PANK2: variants seen among roughly 807,000 people sequenced by gnomAD.
PANK2 encodes pantothenate kinase 2, mitochondrial.
Under a neutral mutation model 43.1 loss-of-function variants are expected in PANK2, and 36 were observed. That is an observed-to-expected ratio of 0.84 (90% confidence interval 0.64 to 1.10). The LOEUF is 1.10. Among genes scored for constraint, PANK2 ranks in the 50% least tolerant of loss-of-function variants. The pLI is 0.00. For synonymous variants in PANK2, 281 were observed against 238.2 expected, an observed-to-expected ratio of 1.18 and a Z score of -1.66; for missense variants, 576 against 593.3, an observed-to-expected ratio of 0.97 and a Z score of 0.30.
At chr20:3,890,133 T>C (rs946779154) in intron 1 of PANK2, among the ~76,000 whole-genome samples, 2 of 152,168 alleles carry the variant, frequency 1.3e-5, no homozygotes, top group African/African-American at 4.8e-5. Flanking sequence ...AAAGAGCTGC[T>C]CTCTAATACT....
At chr20:3,888,942 C>G, upstream of PANK2, 8 of 566,266 alleles carry the variant, frequency 1.4e-5, no homozygotes, top group Admixed American at 3.3e-5. Flanking sequence ...TGCCGACGAC[C>G]AGCGGCCAGA....
At chr20:3,890,460 C>T (rs555560811) in intron 1 of PANK2, among the ~76,000 whole-genome samples, 5 of 152,264 alleles carry the variant, frequency 3.3e-5, no homozygotes, top group Non-Finnish European at 7.4e-5. Context: ...TATTAGGTTT[C>T]TTTTTCTGTG....
chr20:3,921,052 A>AT (rs1245134812), intron 6 of PANK2, among the ~76,000 whole-genome samples: 14 of 151,190 alleles, frequency 9.3e-5, no homozygotes, highest in Non-Finnish European at 1.9e-4. Context: ...TTTGATGATT[A>AT]TTTTATTTTA....
In PANK2 at chr20:3,903,730, C is replaced by A; in HGVS notation, c.299-4196C>A. 3.3e-5 allele frequency among the ~76,000 whole-genome samples: 5 copies of A among 150,712 alleles called. No individual in the cohort carries two copies. The Middle Eastern group carries it at 0.014, about 422-fold the overall frequency. On this transcript the variant is annotated intron_variant, in intron 1 of 6. Transcript: ENST00000610179. The stretch of plus-strand genomic sequence containing the variant: ...GCAGCCTCCATCTCCTGGGATCAAG[C>A]GATTCTGCTGCCTCAGCTTTCTTAG...
In PANK2 at chr20:3,889,666, C is replaced by T; in HGVS notation, c.236C>T (p.Ser79Phe). The T allele has an allele frequency of 6.3e-7, 1 of 1,590,144 alleles. No individual in the cohort carries two copies. Among genetic ancestry groups the T allele is most frequent in the Non-Finnish European group, 8.5e-7 (1 of 1,176,584 alleles). The change falls in exon 1 of 7, where the codon TCT becomes TTT. Residue 79 changes from serine (S) to phenylalanine (F), a missense_variant. By Grantham distance (155) the Ser-to-Phe change is radical (BLOSUM62 -2). Around this residue, in one of 2 missense-constraint regions of PANK2, gnomAD observed 544 missense variants for 528.9 expected, o/e 1.03. Coordinates refer to ENST00000610179, the MANE Select transcript of PANK2 (RefSeq NM_001386393.1). ...GGCACGAGGCGGGATCGACTGGGCTCTTACAGCGGCCCCACCTCGGTCTCC... is the reference window on the plus strand; with the variant it reads ...GGCACGAGGCGGGATCGACTGGGCTTTTACAGCGGCCCCACCTCGGTCTCC...
intron 3 of PANK2, among the ~76,000 whole-genome samples, chr20:3,911,955 T>C (rs1417284507): frequency 1.3e-5 from 2 of 152,308 alleles, no homozygotes; most frequent in Admixed American, 6.5e-5. Context: ...AGAGGTCACT[T>C]CAGGAAAAAC....
intron 2 of PANK2, chr20:3,909,032 C>G (rs576281524): frequency 3.3e-5 from 5 of 152,320 alleles, no homozygotes; most frequent in African/African-American, 1.2e-4. Flanking sequence ...TCTTCAGTGA[C>G]TGACTGTTTT....
In PANK2 at chr20:3,910,803, A is replaced by C; in HGVS notation, c.878A>C (p.Asp293Ala). Residue 293 changes from aspartate (D) to alanine (A), a missense_variant, in exon 3 of 7, where the codon GAT becomes GCT. Physicochemically the swap from Asp to Ala is moderately radical, Grantham distance 126. This residue lies in a region of PANK2 where 544 missense variants were observed against 528.9 expected (regional missense o/e 1.03). Coordinates refer to ENST00000610179, the MANE Select transcript of PANK2 (RefSeq NM_001386393.1). Reference sequence around the variant, plus strand: ...AGCATCTTAGCAGTATATTCCAAAGATAATTACAAACGGGTCACAGGTACT... The same window carrying C: ...AGCATCTTAGCAGTATATTCCAAAGCTAATTACAAACGGGTCACAGGTACT... 1 of 1,614,180 alleles carries C rather than the reference A, an allele frequency of 6.2e-7. No individual in the cohort carries two copies. The highest frequency in any genetic ancestry group is 8.5e-7 in the Non-Finnish European group (1 of 1,180,018).
intron 4 of PANK2, among the ~76,000 whole-genome samples, chr20:3,914,079 G>C (rs551499064): frequency 6.6e-6 from 1 of 151,826 alleles, no homozygotes; most frequent in Admixed American, 6.6e-5. Flanking sequence ...GTGAGCCACT[G>C]CGCCTGGCCT....
chr20:3,889,337 T>G, upstream of PANK2: 1 of 1,587,296 alleles, frequency 6.3e-7, no homozygotes, highest in East Asian at 2.3e-5. Context: ...CGGATTGGCT[T>G]CCTGCGCGTT....
chr20:3,922,944 C>G (rs1291267059), intron 6 of PANK2, among the ~76,000 whole-genome samples: 1 of 152,180 alleles, frequency 6.6e-6, no homozygotes, highest in Admixed American at 6.6e-5. Flanking sequence ...CTGTCTCTTA[C>G]CAGAGGTAAC....
At chr20:3,905,353 T>C (rs1214707919) in intron 1 of PANK2, among the ~76,000 whole-genome samples, 1 of 149,214 alleles carries the variant, frequency 6.7e-6, no homozygotes, top group African/African-American at 2.5e-5. Flanking sequence ...GCTATCTCTT[T>C]TTTTTTTTTT....
intron 3 of PANK2, among the ~76,000 whole-genome samples, chr20:3,911,882 C>T (rs1165986850): frequency 2.0e-5 from 3 of 150,688 alleles, no homozygotes; most frequent in Admixed American, 6.7e-5. Flanking sequence ...AAGAGCTAAA[C>T]TCCATCTCAA....
chr20:3,891,151 GC>G (rs1341782318), intron 1 of PANK2: 1 of 152,160 alleles, frequency 6.6e-6, no homozygotes, highest in Non-Finnish European at 1.5e-5. Context: ...CTGGGCTCAA[GC>G]CATCCTCCTG....
In PANK2 at chr20:3,889,737, TC is replaced by T. The variant is rs1211718242; in HGVS notation, c.298+11del. 4 of 1,594,796 alleles carry T rather than the reference TC, an allele frequency of 2.5e-6. No homozygotes were observed. The highest frequency in any genetic ancestry group is 3.4e-6 in the Non-Finnish European group (4 of 1,178,846). On this transcript the variant is annotated intron_variant, in intron 1 of 6. Transcript: ENST00000610179. ...GAGGAAAAAGCGGCCGCGTAAGTGT[TC>T]CGTGGGGCGCCCTCCCGGCCCGCCC... is the stretch of plus-strand genomic sequence containing the variant.
intron 3 of PANK2, among the ~76,000 whole-genome samples, chr20:3,911,844 C>T (rs556914929): frequency 2.3e-4 from 35 of 151,744 alleles, no homozygotes; most frequent in Admixed American, 9.2e-4. Flanking sequence ...GAGCCGAGAT[C>T]GTGCCATTGT....
rs1461589671 is a variant in PANK2, at chr20:3,928,027, T to TGGAAGC, written c.*4734_*4739dup. On this transcript the variant is annotated 3_prime_UTR_variant, in exon 7 of 7. Transcript: ENST00000610179. ...TTTTCTTCTGATATCCCCACTCAAA[T>TGGAAGC]GGAAGCACACTCCCCAGCACATGGG... 2 of 152,150 alleles carry TGGAAGC rather than the reference T, an allele frequency of 1.3e-5. No individual in the cohort carries two copies. The highest frequency in any genetic ancestry group is 2.9e-5 in the Non-Finnish European group (2 of 68,036). 9.4% of individuals were successfully genotyped at this position (152,150 alleles called of 1,614,324 possible).
At chr20:3,897,944 T>G (rs1324658225) in intron 1 of PANK2, among the ~76,000 whole-genome samples, 1 of 151,844 alleles carries the variant, frequency 6.6e-6, no homozygotes, top group Non-Finnish European at 1.5e-5. Flanking sequence ...GAGGCGGAGG[T>G]TGCAGTGAGC....
chr20:3,920,871 G>A (rs2090635829), intron 6 of PANK2, among the ~76,000 whole-genome samples: 1 of 151,992 alleles, frequency 6.6e-6, no homozygotes, highest in Admixed American at 6.6e-5. Flanking sequence ...ACACCAAACC[G>A]ATATCATCAT....
Sources: gnomAD v4.1 joint callset for allele counts (sites outside exome capture counted in the v4.1 genomes callset) on GRCh38, gnomAD v4.1.1 for gene constraint, gnomAD v4.1.1 regional missense constraint, MANE v1.5 for transcripts, NCBI Gene and HGNC (gene_info 2026-07-23, HGNC 2026-07-21) for gene names.